Variants in ADGRV1 observed in about 807,000 individuals in gnomAD.
ADGRV1 encodes the protein G-protein coupled receptor 98.
A neutral mutation model predicts 596.2 loss-of-function variants in ADGRV1; 359 were observed. The ratio of observed to expected loss-of-function variants is 0.60; its 90% CI spans 0.55 to 0.66. The LOEUF (loss-of-function observed/expected upper bound fraction) is 0.66. Ranked by LOEUF, ADGRV1 falls within the 30% of genes least tolerant of loss-of-function variation. ADGRV1 has a pLI of 0.00. For missense variants in ADGRV1, 7,274 were observed against 7,575.6 expected (o/e 0.96, Z 1.48); for synonymous variants, 2,681 against 2,679.2 (o/e 1.00, Z -0.02).
intron 8 of ADGRV1, 94 bp from the exon 9 acceptor site, chr5:90,629,116 T>C: frequency 1.5e-6 from 1 of 683,482 alleles, no homozygotes; most frequent in Non-Finnish European, 2.2e-6. Flanking sequence ...AAAATATTAA[T>C]AAATATTAAA....
In ADGRV1 at chr5:90,965,498, G is replaced by A. The variant is rs1778373996; in HGVS notation, c.17940G>A (p.Leu5980=). Residue 5980 remains leucine (L), a synonymous_variant, in exon 84 of 90, where the codon CTG becomes CTA. Coordinates refer to ENST00000405460, the MANE Select transcript of ADGRV1 (RefSeq NM_032119.4). ...CTATGGCTGCTGTCACACATTACCT[G>A]TATCTTTGCCAGTTTAGCTGGATGC... The part of the protein sequence containing the change: ...CSAMAAVTHY[L]YLCQFSWMLI... The A allele has an allele frequency of 6.2e-7, 1 of 1,612,916 alleles. No homozygotes were observed. The highest frequency in any genetic ancestry group is 8.5e-7 in the Non-Finnish European group (1 of 1,179,138).
Position 90,889,960 on chromosome 5 carries a change from A to G in ADGRV1, c.17856+26103A>G, listed in dbSNP as rs984671492. ...TGCACACTTGTTCTATACAGCTGCA[A>G]AACCTTTGCCCATTCCAGCTGCTCA... On this transcript the variant is annotated intron_variant, in intron 83 of 89. Transcript: ENST00000405460. Among the ~76,000 whole-genome samples the G allele has an allele frequency of 4.3e-4, 66 of 152,152 alleles. 1 individual carries two copies. The highest frequency in any genetic ancestry group is 4.3e-3 in the Admixed American group (66 of 15,246).
chr5:90,676,835 A>G (rs1411367968), intron 25 of ADGRV1: 2 of 152,186 alleles, frequency 1.3e-5, no homozygotes, highest in Admixed American at 6.5e-5. Context: ...TTGATTATTA[A>G]TAAAAGAAGT....
chr5:90,737,565 C>A (rs969025211), intron 50 of ADGRV1, among the ~76,000 whole-genome samples: 4 of 151,970 alleles, frequency 2.6e-5, no homozygotes, highest in African/African-American at 9.7e-5. Flanking sequence ...CAGTCTATAT[C>A]ACCCTTCAGA....
At chr5:90,928,727 G>A (rs895935117) in intron 83 of ADGRV1, among the ~76,000 whole-genome samples, 1 of 151,312 alleles carries the variant, frequency 6.6e-6, no homozygotes, top group East Asian at 2.0e-4. Flanking sequence ...AGAGTTTCCC[G>A]TTTTTCTGTT....
chr5:91,115,620 C>T (rs188247033), intron 87 of ADGRV1, among the ~76,000 whole-genome samples: 1 of 152,270 alleles, frequency 6.6e-6, no homozygotes, highest in Non-Finnish European at 1.5e-5. Context: ...AGAATGACCA[C>T]ACCTATCTCA....
intron 85 of ADGRV1, among the ~76,000 whole-genome samples, chr5:91,027,119 G>A (rs1164388491): frequency 7.0e-6 from 1 of 143,588 alleles, no homozygotes; most frequent in Non-Finnish European, 1.5e-5. Context: ...TCTAGCCTGG[G>A]CAACAGAGCA....
At chr5:90,714,076 A>C (rs975310516) in intron 42 of ADGRV1, among the ~76,000 whole-genome samples, 7 of 152,052 alleles carry the variant, frequency 4.6e-5, no homozygotes, top group Non-Finnish European at 1.0e-4. Context: ...GAGTGAAAGG[A>C]CTCATCCGTT....
At chr5:90,643,677 T>A (rs576187978) in intron 13 of ADGRV1, 126 bp from the exon 14 acceptor site, 1 of 631,184 alleles carries the variant, frequency 1.6e-6, no homozygotes, top group East Asian at 2.9e-5. Flanking sequence ...CCACCTCTTT[T>A]GTCCTTTCAG....
intron 75 of ADGRV1, among the ~76,000 whole-genome samples, chr5:90,821,510 A>C (rs932009041): frequency 2.9e-4 from 44 of 150,710 alleles, no homozygotes; most frequent in East Asian, 2.5e-3. Context: ...TAGAGTTTCC[A>C]GTTTTTCTGT....
intron 1 of ADGRV1, among the ~76,000 whole-genome samples, chr5:90,579,245 T>C (rs1032700905): frequency 5.3e-5 from 8 of 152,210 alleles, no homozygotes; most frequent in African/African-American, 1.9e-4. Context: ...GGGCATTTAG[T>C]GCTATAAATT....
At chr5:90,619,036 T>C (rs1763714585) in intron 3 of ADGRV1, 50 bp from the exon 4 acceptor site, 2 of 865,014 alleles carry the variant, frequency 2.3e-6, no homozygotes, top group Admixed American at 3.3e-5. Context: ...AATTTTTAAC[T>C]TATTATTTTA....
Position 90,658,158 on chromosome 5 carries a change from A to C in ADGRV1, c.4632A>C (p.Lys1544Asn). The change falls in exon 21 of 90, where the codon AAA becomes AAC. Residue 1544 changes from lysine (K) to asparagine (N), a missense_variant. Lys to Asn is a moderately conservative substitution (Grantham distance 94). This residue lies in a region of ADGRV1 where 3,643 missense variants were observed against 3,809.2 expected (regional missense o/e 0.96). Transcript: ENST00000405460. ...AAGGAGAAGAATTATTCATTCTTAA[A>C]CTAGTTTCTGTATATGGAGGAGCTC... Reference protein sequence around the residue: ...DEEGEELFILKLVSVYGGARI... With the variant: ...DEEGEELFILNLVSVYGGARI... 6.2e-7 allele frequency: 1 copy of C among 1,612,656 alleles called. No individual in the cohort carries two copies. The highest frequency in any genetic ancestry group is 8.5e-7 in the Non-Finnish European group (1 of 1,178,886).
chr5:90,826,888 C>T (rs374469409), intron 76 of ADGRV1, among the ~76,000 whole-genome samples: 18 of 152,096 alleles, frequency 1.2e-4, no homozygotes, highest in African/African-American at 4.3e-4. Context: ...TTAAGTAACT[C>T]GCCCAATTCA....
At position 90,807,040 on chromosome 5, in the gene ADGRV1, A is replaced by G. The variant is rs902746215; in HGVS notation, c.14837-562A>G. On this transcript the variant is annotated intron_variant, in intron 72 of 89. Coordinates refer to ENST00000405460, the MANE Select transcript of ADGRV1 (RefSeq NM_032119.4). Reference sequence around the variant, plus strand: ...GCTAATTTTTGTATTTTTTGTACAGATGGGGTTTCACCATGTTGGCCAGGC... The same window carrying G: ...GCTAATTTTTGTATTTTTTGTACAGGTGGGGTTTCACCATGTTGGCCAGGC... 4.6e-5 allele frequency among the ~76,000 whole-genome samples: 7 copies of G among 152,086 alleles called. No homozygotes were observed. The East Asian group carries it at 1.4e-3, about 29-fold the overall frequency.
chr5:90,972,878 AC>A (rs1230163310), intron 84 of ADGRV1, among the ~76,000 whole-genome samples: 7 of 150,402 alleles, frequency 4.7e-5, no homozygotes, highest in African/African-American at 1.7e-4. Flanking sequence ...AGATAGAGAC[AC>A]AAAAAACCCT....
At chr5:91,139,714 T>G (rs1374535245) in intron 87 of ADGRV1, among the ~76,000 whole-genome samples, 8 of 152,248 alleles carry the variant, frequency 5.3e-5, no homozygotes, top group Admixed American at 5.2e-4. Flanking sequence ...TCCCCTAACC[T>G]GACACCTTTT....
chr5:91,102,503 A>G (rs1791475364), intron 87 of ADGRV1, among the ~76,000 whole-genome samples, 163 bp downstream of exon 87: 1 of 152,238 alleles, frequency 6.6e-6, no homozygotes, highest in Non-Finnish European at 1.5e-5. Flanking sequence ...CTAAATCCTT[A>G]ACATTTGAAA....
intron 21 of ADGRV1, among the ~76,000 whole-genome samples, chr5:90,668,670 G>A (rs1003277711): frequency 6.6e-5 from 10 of 152,014 alleles, no homozygotes; most frequent in African/African-American, 9.7e-5. Flanking sequence ...CTTGACATTC[G>A]AAAGCTCTTT....
Sources: allele counts gnomAD v4.1 joint callset (sites outside exome capture counted in the v4.1 genomes callset), GRCh38; gene constraint gnomAD v4.1.1; regional missense constraint gnomAD v4.1.1; transcripts MANE v1.5; gene names NCBI Gene and HGNC (gene_info 2026-07-23, HGNC 2026-07-21).